Variants in SNX29 observed in about 807,000 individuals in gnomAD.
SNX29 encodes sorting nexin 29.
In SNX29, 78 loss-of-function variants were observed where a neutral mutation model predicts 102.1. That is an observed-to-expected ratio of 0.76 (90% CI 0.64 to 0.92). SNX29 has a LOEUF of 0.92. Among genes scored for constraint, SNX29 ranks in the 40% least tolerant of loss-of-function variants. The pLI is 0.00. For synonymous variants in SNX29, 580 were observed against 414.5 expected, an observed-to-expected ratio of 1.40 and a Z score of -4.85; for missense variants, 1,280 against 1,061.7, an observed-to-expected ratio of 1.21 and a Z score of -2.86.
chr16:12,288,210 C>T (rs2151050665), intron 15 of SNX29, among the ~76,000 whole-genome samples: 1 of 152,236 alleles, frequency 6.6e-6, no homozygotes, highest in South Asian at 2.1e-4. Context: ...CTAGCTAAAA[C>T]AGGACTGGGT....
At chr16:12,485,746 T>C (rs1406732855) in intron 19 of SNX29, among the ~76,000 whole-genome samples, 1 of 152,150 alleles carries the variant, frequency 6.6e-6, no homozygotes, top group Non-Finnish European at 1.5e-5. Context: ...AAGCTGGCAG[T>C]CTTGTAGGGA....
intron 19 of SNX29, among the ~76,000 whole-genome samples, chr16:12,504,091 C>A (rs67054068): frequency 0.19 from 29,521 of 152,076 alleles, 3,252 homozygotes; most frequent in South Asian, 0.39. Context: ...AGCAACCACT[C>A]ATCTGTTTTC....
chr16:12,312,299 G>A lies in SNX29; in HGVS notation c.1782+34263G>A, dbSNP rs186329808. 4.4e-4 allele frequency among the ~76,000 whole-genome samples: 67 copies of A among 152,306 alleles called. No individual in the cohort carries two copies. In the East Asian group the frequency reaches 0.011, roughly 26 times the overall value. On this transcript the variant is annotated intron_variant, in intron 15 of 20. Transcript: ENST00000566228. ...CTTGCTGCGCTGTCGTTTAGTCAGG[G>A]CTTGCTCCTCTCTGAATTTCCAGCG...
chr16:12,387,724 C>G (rs1328060348), intron 16 of SNX29, among the ~76,000 whole-genome samples: 1 of 152,126 alleles, frequency 6.6e-6, no homozygotes, highest in African/African-American at 2.4e-5. Context: ...TCTACTTGAC[C>G]TTAAGCCATC....
At chr16:12,221,402 G>A (rs2077473841) in intron 14 of SNX29, among the ~76,000 whole-genome samples, 1 of 152,208 alleles carries the variant, frequency 6.6e-6, no homozygotes, top group Non-Finnish European at 1.5e-5. Context: ...ATTACCTGAG[G>A]TCAGGAGTTT....
At position 12,295,973 on chromosome 16, in the gene SNX29, A is replaced by G. The variant is rs13330728; in HGVS notation, c.1782+17937A>G. Among the ~76,000 whole-genome samples, 1,360 of 152,362 alleles carry G rather than the reference A, an allele frequency of 8.9e-3. 28 individuals are homozygous for G. Among genetic ancestry groups the G allele is most frequent in the African/African-American group, 0.031 (1,281 of 41,568 alleles). The stretch of plus-strand genomic sequence containing the variant: ...AAACAGTTCTTCTCCTCAAAATGAA[A>G]TATGTTCTGTGGTAACAACCCAGTT... On this transcript the variant is annotated intron_variant, in intron 15 of 20. Transcript: ENST00000566228.
chr16:12,564,036 C>T (rs976730485), intron 20 of SNX29, among the ~76,000 whole-genome samples: 11 of 147,916 alleles, frequency 7.4e-5, no homozygotes, highest in African/African-American at 9.7e-5. Context: ...GGAGTTGCAC[C>T]GGTAAAAGGT....
chr16:12,075,330 A>T (rs1342669733), intron 10 of SNX29, among the ~76,000 whole-genome samples: 2 of 152,210 alleles, frequency 1.3e-5, no homozygotes, highest in African/African-American at 4.8e-5. Context: ...GGTGATGTAC[A>T]GATGGGTTTT....
chr16:12,361,725 T>C (rs2082304552), intron 16 of SNX29, among the ~76,000 whole-genome samples: 1 of 152,238 alleles, frequency 6.6e-6, no homozygotes, highest in African/African-American at 2.4e-5. Context: ...CAATATGATA[T>C]ACTAATGGTA....
chr16:12,501,076 C>A (rs887327850), intron 19 of SNX29, among the ~76,000 whole-genome samples: 2 of 152,208 alleles, frequency 1.3e-5, no homozygotes, highest in African/African-American at 4.8e-5. Context: ...TCCAGGCTCT[C>A]ACCGCTTCTG....
intron 7 of SNX29, among the ~76,000 whole-genome samples, chr16:12,048,908 A>C (rs3960976): frequency 9.2e-5 from 14 of 152,180 alleles, no homozygotes; most frequent in Non-Finnish European, 1.6e-4. Flanking sequence ...CTCATTCATT[A>C]ATTCCTTTAT....
At position 12,571,904 on chromosome 16, in the gene SNX29, T is replaced by C. The variant is rs1041068096; in HGVS notation, c.*3275T>C. Reference sequence around the variant, plus strand: ...AGCTGAGGTTCAAAGCCCCCTGCATTTCTCTACTGGCAGGCCCTGGTGAAG... The same window carrying C: ...AGCTGAGGTTCAAAGCCCCCTGCATCTCTCTACTGGCAGGCCCTGGTGAAG... On this transcript the variant is annotated 3_prime_UTR_variant, in exon 21 of 21. Transcript: ENST00000566228. 1 of 1,061,866 alleles carries C rather than the reference T, an allele frequency of 9.4e-7. No individual in the cohort carries two copies. The highest frequency in any genetic ancestry group is 1.1e-6 in the Non-Finnish European group (1 of 877,100). 65.8% of individuals were successfully genotyped at this position (1,061,866 alleles called of 1,614,324 possible). A position where few individuals can be genotyped will look rare whatever the true frequency, so the allele number is the denominator to read the frequency against.
At chr16:12,433,171 C>G (rs62028397) in intron 18 of SNX29, among the ~76,000 whole-genome samples, 9,662 of 152,272 alleles carry the variant, frequency 0.063, 529 homozygotes, top group East Asian at 0.28. Flanking sequence ...TTACATTTGT[C>G]TACATCTTGG....
intron 11 of SNX29, chr16:12,093,554 C>A (rs2052646681): frequency 6.6e-6 from 1 of 152,224 alleles, no homozygotes; most frequent in South Asian, 2.1e-4. Flanking sequence ...TTGTAGGCTA[C>A]TGTGAGCCTT....
rs73512066 is a variant in SNX29 at position 12,572,466 on chromosome 16, C to T, written c.*3837C>T. The T allele has an allele frequency of 1.4e-5, 15 of 1,063,728 alleles. No individual in the cohort carries two copies. In the Admixed American group the frequency reaches 1.6e-4, roughly 11 times the overall value. 65.9% of individuals were successfully genotyped at this position (1,063,728 alleles called of 1,614,324 possible). ...GGTTCTGCATGGTACATTTTGCCAA[C>T]CCTGAGGACCAGTTCTTGGGGTTCC... On this transcript the variant is annotated 3_prime_UTR_variant, in exon 21 of 21. Coordinates refer to ENST00000566228, the MANE Select transcript of SNX29 (RefSeq NM_032167.5).
At chr16:12,196,308 C>T (rs1472761581) in intron 13 of SNX29, among the ~76,000 whole-genome samples, 1 of 152,122 alleles carries the variant, frequency 6.6e-6, no homozygotes, top group East Asian at 1.9e-4. Flanking sequence ...AAAATGGCAG[C>T]AATAATAACC....
intron 3 of SNX29, among the ~76,000 whole-genome samples, chr16:12,019,293 C>T (rs751259924): frequency 2.9e-4 from 44 of 152,154 alleles, no homozygotes; most frequent in Non-Finnish European, 4.6e-4. Flanking sequence ...CGGCAAGCTC[C>T]GCCTCCCAGG....
At chr16:12,201,483 C>CTT (rs1370736975) in intron 14 of SNX29, among the ~76,000 whole-genome samples, 2 of 152,152 alleles carry the variant, frequency 1.3e-5, no homozygotes, top group Non-Finnish European at 2.9e-5. Context: ...TTATTAGAGG[C>CTT]TTAGGAGAGC....
chr16:12,543,194 C>T (rs1012779192), intron 20 of SNX29, among the ~76,000 whole-genome samples: 3 of 152,212 alleles, frequency 2.0e-5, no homozygotes, highest in Non-Finnish European at 2.9e-5. Context: ...TAGGAAAAAT[C>T]ATATTCATCA....
Sources: gnomAD v4.1 joint callset for allele counts (sites outside exome capture counted in the v4.1 genomes callset) on GRCh38, gnomAD v4.1.1 for gene constraint, MANE v1.5 for transcripts, NCBI Gene and HGNC (gene_info 2026-07-23, HGNC 2026-07-21) for gene names.